Variants in AEBP2 observed in about 807,000 individuals in gnomAD.
AEBP2 encodes the protein AE binding protein 2, also known as zinc finger protein AEBP2.
A neutral mutation model predicts 50.8 loss-of-function variants in AEBP2; 10 were observed. That is an observed-to-expected ratio of 0.20 (90% CI 0.12 to 0.33). The LOEUF is 0.33. Ranked by LOEUF, AEBP2 falls within the 10% of genes least tolerant of loss-of-function variation. The pLI, the probability that AEBP2 is intolerant of heterozygous loss-of-function variation, is 1.00. For missense variants in AEBP2, 570 were observed against 688.0 expected (o/e 0.83, Z 1.92); for synonymous variants, 296 against 261.3 (o/e 1.13, Z -1.28).
chr12:19,512,359 A>G, intron 5 of AEBP2, 39 bp from the exon 6 acceptor site: 3 of 1,357,600 alleles, frequency 2.2e-6, no homozygotes, highest in Middle Eastern at 2.0e-4. Flanking sequence ...ATGATGTTTT[A>G]CACATTGTTT....
intron 3 of AEBP2, among the ~76,000 whole-genome samples, chr12:19,485,718 A>T (rs1443009662): frequency 6.6e-6 from 1 of 151,182 alleles, no homozygotes; most frequent in African/African-American, 2.4e-5. Context: ...CAAAAAAAAA[A>T]AAAAAAGAAA....
In AEBP2 at chr12:19,411,714, C is replaced by T. The variant is rs144116718; in HGVS notation, c.-17+7498C>T. ...ACCTCTACAGTGCTGGAACATCGCC[C>T]GAAGGAAACACATTCATTCACATTT... On this transcript the variant is annotated intron_variant, in intron 1 of 3. Coordinates refer to the AEBP2 transcript ENST00000538425. 6.6e-5 allele frequency among the ~76,000 whole-genome samples: 10 copies of T among 152,234 alleles called. No individual in the cohort carries two copies. The East Asian group carries it at 7.7e-4, about 12-fold the overall frequency.
chr12:19,481,086 T>A (rs575965234), intron 3 of AEBP2, among the ~76,000 whole-genome samples: 1 of 142,230 alleles, frequency 7.0e-6, no homozygotes, highest in Admixed American at 7.3e-5. Context: ...AACTTTGCAG[T>A]GCATCCTTTT....
intron 3 of AEBP2, among the ~76,000 whole-genome samples, chr12:19,479,342 G>A (rs971998178): frequency 6.6e-6 from 1 of 152,098 alleles, no homozygotes; most frequent in African/African-American, 2.4e-5. Context: ...GTGGAGTATT[G>A]AAGTCCCCCA....
intron 1 of AEBP2, chr12:19,440,774 T>C (rs1193478766): frequency 1.6e-5 from 24 of 1,532,474 alleles, no homozygotes; most frequent in Non-Finnish European, 2.1e-5. Flanking sequence ...AGAACTACAA[T>C]TGACAAGTGT....
At chr12:19,493,658 C>G in intron 3 of AEBP2, 142 bp from the exon 4 acceptor site, 1 of 755,766 alleles carries the variant, frequency 1.3e-6, no homozygotes, top group Non-Finnish European at 2.1e-6. Flanking sequence ...GAAAAGACTA[C>G]TAGTCCCTTA....
intron 1 of AEBP2, among the ~76,000 whole-genome samples, chr12:19,461,690 T>C (rs1725639224): frequency 6.6e-6 from 1 of 152,052 alleles, no homozygotes; most frequent in African/African-American, 2.4e-5. Flanking sequence ...TTTGTATTTT[T>C]AGTAGCAGTG....
At chr12:19,478,901 T>G (rs961114783) in intron 3 of AEBP2, among the ~76,000 whole-genome samples, 3 of 152,160 alleles carry the variant, frequency 2.0e-5, no homozygotes. Flanking sequence ...ATGGTCTATC[T>G]TGGTCTATCC....
chr12:19,436,808 C>G (rs1410559367), upstream of AEBP2, among the ~76,000 whole-genome samples: 1 of 152,208 alleles, frequency 6.6e-6, no homozygotes, highest in East Asian at 1.9e-4. Context: ...TCCCATTGCT[C>G]AGGCTGGTCT....
intron 3 of AEBP2, among the ~76,000 whole-genome samples, chr12:19,478,988 T>A (rs548623249): frequency 6.6e-6 from 1 of 152,258 alleles, no homozygotes; most frequent in Admixed American, 6.5e-5. Context: ...GCAGGTGGAT[T>A]GCTTTAGCTC....
Position 19,439,947 on chromosome 12 carries a change from C to G in AEBP2, c.248C>G (p.Ser83Trp), listed in dbSNP as rs1286268721. The change falls in exon 1 of 8, where the codon TCG becomes TGG. Residue 83 changes from serine (S) to tryptophan (W), a missense_variant. Coordinates refer to ENST00000266508, the MANE Select transcript of AEBP2 (RefSeq NM_153207.5). ...GGGGGCGGCGAGGCAGAGACGATGT[C>G]GGAGCCGAGCCCCGAGAGCGCCAGC... ...GVGGGEAETM[S>W]EPSPESASQA... is the part of the protein sequence containing the mutation. The G allele has an allele frequency of 9.9e-5, 150 of 1,513,512 alleles. No individual in the cohort carries two copies. Among genetic ancestry groups the G allele is most frequent in the Non-Finnish European group, 1.3e-4 (145 of 1,138,536 alleles). 93.8% of individuals were successfully genotyped at this position (1,513,512 alleles called of 1,614,324 possible).
At chr12:19,467,802 T>G (rs932156179) in intron 2 of AEBP2, among the ~76,000 whole-genome samples, 1 of 152,152 alleles carries the variant, frequency 6.6e-6, no homozygotes, top group Admixed American at 6.5e-5. Context: ...AGCCAGAGGT[T>G]TAGGTTTCTT....
chr12:19,473,376 A>AATGTATTT, intron 3 of AEBP2, 21 bp downstream of exon 3: 1 of 174,724 alleles, frequency 5.7e-6, no homozygotes, highest in East Asian at 1.2e-4. Context: ...ATGTATATAA[A>AATGTATTT]ATTTATTTAT....
At chr12:19,499,405 G>A (rs1029825994) in intron 4 of AEBP2, among the ~76,000 whole-genome samples, 2 of 152,132 alleles carry the variant, frequency 1.3e-5, no homozygotes, top group Non-Finnish European at 2.9e-5. Context: ...ATGAAGCCAG[G>A]AGTTCAAGAC....
intron 1 of AEBP2, among the ~76,000 whole-genome samples, chr12:19,444,164 A>T (rs1948016849): frequency 6.6e-6 from 1 of 152,158 alleles, no homozygotes; most frequent in African/African-American, 2.4e-5. Flanking sequence ...AAAAAAATTT[A>T]AAAAATTTTA....
At chr12:19,469,741 T>C (rs1467820991) in intron 2 of AEBP2, among the ~76,000 whole-genome samples, 2 of 152,212 alleles carry the variant, frequency 1.3e-5, no homozygotes, top group African/African-American at 4.8e-5. Context: ...GTCACTGTGC[T>C]CAGCAGGTTG....
chr12:19,426,346 CA>C (rs894807488), intron 1 of AEBP2, among the ~76,000 whole-genome samples: 16 of 152,124 alleles, frequency 1.1e-4, no homozygotes, highest in African/African-American at 3.9e-4. Flanking sequence ...CCTAAAAGGA[CA>C]GAGGAGAGAG....
chr12:19,436,785 C>T (rs531543124), upstream of AEBP2, among the ~76,000 whole-genome samples: 15 of 152,034 alleles, frequency 9.9e-5, no homozygotes, highest in African/African-American at 3.1e-4. Context: ...TGTTTTGTAG[C>T]GATGGAGTTT....
At position 19,457,341 on chromosome 12, in the gene AEBP2, G is replaced by A. The variant is rs1592731901; in HGVS notation, c.672-5169G>A. 2.7e-6 allele frequency: 4 copies of A among 1,475,258 alleles called. No homozygotes were observed. In the African/African-American group the frequency reaches 5.6e-5, roughly 21 times the overall value. 91.4% of individuals were successfully genotyped at this position (1,475,258 alleles called of 1,614,324 possible). A position where few individuals can be genotyped will look rare whatever the true frequency, so the allele number is the denominator to read the frequency against. On this transcript the variant is annotated intron_variant, in intron 1 of 7. Transcript: ENST00000266508. ...ATGTCCCTGTAATCATGTTTTTGAT[G>A]AAGTCTCTGTGGTTAAGTCTCTGTG...
Sources: allele counts gnomAD v4.1 joint callset (sites outside exome capture counted in the v4.1 genomes callset), GRCh38; gene constraint gnomAD v4.1.1; transcripts MANE v1.5; gene names NCBI Gene and HGNC (gene_info 2026-07-23, HGNC 2026-07-21).